SMARCC1: variants seen among roughly 807,000 people sequenced by gnomAD.
SMARCC1 encodes SWI/SNF complex subunit SMARCC1.
Under a neutral mutation model 147.4 loss-of-function variants are expected in SMARCC1, and 43 were observed. That is an observed-to-expected ratio of 0.29 (90% CI 0.23 to 0.38). The LOEUF (loss-of-function observed/expected upper bound fraction) is 0.38. Among genes scored for constraint, SMARCC1 ranks in the 10% least tolerant of loss-of-function variants. The pLI is 1.00. For synonymous variants in SMARCC1, 495 were observed against 484.4 expected, an observed-to-expected ratio of 1.02 and a Z score of -0.29; for missense variants, 1,119 against 1,381.1, an observed-to-expected ratio of 0.81 and a Z score of 3.01.
intron 25 of SMARCC1, among the ~76,000 whole-genome samples, chr3:47,618,277 C>A (rs936615593): frequency 1.3e-5 from 2 of 152,086 alleles, no homozygotes; most frequent in Non-Finnish European, 2.9e-5. Context: ...CACAGCAGCT[C>A]ATGCCTGTAA....
At chr3:47,595,559 T>C (rs1172926608) in intron 26 of SMARCC1, among the ~76,000 whole-genome samples, 9 of 150,880 alleles carry the variant, frequency 6.0e-5, no homozygotes, top group Non-Finnish European at 1.2e-4. Flanking sequence ...TAAAATAAAA[T>C]AAAATAAACA....
intron 21 of SMARCC1, among the ~76,000 whole-genome samples, chr3:47,653,510 A>C (rs12053999): frequency 1.1e-4 from 16 of 152,196 alleles, no homozygotes; most frequent in Non-Finnish European, 1.9e-4. Flanking sequence ...GTAAAATCCT[A>C]TATCACTCGG....
At chr3:47,762,998 G>A (rs993226668) in intron 2 of SMARCC1, among the ~76,000 whole-genome samples, 7 of 151,458 alleles carry the variant, frequency 4.6e-5, no homozygotes, top group African/African-American at 1.2e-4. Flanking sequence ...CCCAGGAGGC[G>A]GAGGTTGCAG....
intron 7 of SMARCC1, among the ~76,000 whole-genome samples, chr3:47,718,811 C>A (rs2034193626): frequency 1.3e-5 from 2 of 151,980 alleles, no homozygotes; most frequent in South Asian, 4.1e-4. Flanking sequence ...GAAATAAATA[C>A]TAAAACTGCT....
chr3:47,765,396 T>TGG (rs1292935896), intron 2 of SMARCC1, among the ~76,000 whole-genome samples: 1 of 152,168 alleles, frequency 6.6e-6, no homozygotes, highest in Non-Finnish European at 1.5e-5. Flanking sequence ...ATGGATGTTC[T>TGG]CTTTATAATT....
intron 3 of SMARCC1, among the ~76,000 whole-genome samples, chr3:47,742,590 T>C (rs2034520645): frequency 2.0e-5 from 3 of 151,034 alleles, no homozygotes; most frequent in African/African-American, 4.9e-5. Flanking sequence ...TTCTGTAATC[T>C]CTCTTTCTGT....
intron 2 of SMARCC1, among the ~76,000 whole-genome samples, chr3:47,755,452 G>A (rs1416545448): frequency 3.4e-5 from 5 of 147,544 alleles, no homozygotes; most frequent in African/African-American, 5.0e-5. Flanking sequence ...AGCTGAGATC[G>A]CGCCACTGCA....
chr3:47,688,285 C>T (rs1440029750), intron 13 of SMARCC1, among the ~76,000 whole-genome samples: 1 of 141,470 alleles, frequency 7.1e-6, no homozygotes, highest in Non-Finnish European at 1.5e-5. Flanking sequence ...AAAGAAGTGG[C>T]TCTTTGACTA....
intron 25 of SMARCC1, among the ~76,000 whole-genome samples, chr3:47,617,924 A>G (rs1291188262): frequency 6.6e-6 from 1 of 152,142 alleles, no homozygotes; most frequent in East Asian, 1.9e-4. Context: ...TATAGCTCCC[A>G]TTTTGTGTGC....
intron 24 of SMARCC1, among the ~76,000 whole-genome samples, chr3:47,629,421 G>A (rs1488178820): frequency 6.6e-6 from 1 of 152,144 alleles, no homozygotes; most frequent in Non-Finnish European, 1.5e-5. Context: ...AGACTGTGGA[G>A]GGTTAAGGTG....
intron 21 of SMARCC1, among the ~76,000 whole-genome samples, chr3:47,648,064 G>A (rs915511837): frequency 6.6e-6 from 1 of 151,952 alleles, no homozygotes; most frequent in African/African-American, 2.4e-5. Flanking sequence ...GCATGACCTC[G>A]GCTCAATGCA....
At chr3:47,617,670 T>C (rs1023406393) in intron 25 of SMARCC1, among the ~76,000 whole-genome samples, 3 of 152,210 alleles carry the variant, frequency 2.0e-5, no homozygotes, top group African/African-American at 7.2e-5. Flanking sequence ...ATGCTAGTGC[T>C]AGAGTGAGAA....
At chr3:47,633,763 A>AT (rs1247394522) in intron 24 of SMARCC1, among the ~76,000 whole-genome samples, 524 of 31,690 alleles carry the variant, frequency 0.017, 49 homozygotes, top group Middle Eastern at 0.054. Context: ...AAAAAAAAAA[A>AT]ATATATATAT....
At chr3:47,588,786 C>G (rs909998485) in intron 27 of SMARCC1, among the ~76,000 whole-genome samples, 1 of 142,464 alleles carries the variant, frequency 7.0e-6, no homozygotes, top group African/African-American at 2.6e-5. Flanking sequence ...AATGTCTCCA[C>G]CAGGGCCAGA....
intron 2 of SMARCC1, among the ~76,000 whole-genome samples, chr3:47,752,071 G>A (rs1038625994): frequency 1.3e-5 from 2 of 152,106 alleles, no homozygotes; most frequent in East Asian, 1.9e-4. Flanking sequence ...GTGACAGAGC[G>A]AGACTTCATC....
intron 25 of SMARCC1, among the ~76,000 whole-genome samples, chr3:47,614,727 T>TC (rs2032613165): frequency 6.6e-6 from 1 of 152,172 alleles, no homozygotes; most frequent in African/African-American, 2.4e-5. Flanking sequence ...GATTCTGACC[T>TC]TGCTGCCTTA....
intron 25 of SMARCC1, among the ~76,000 whole-genome samples, chr3:47,619,389 A>G (rs994739374): frequency 5.3e-5 from 8 of 152,234 alleles, no homozygotes; most frequent in Admixed American, 5.2e-4. Flanking sequence ...CAAAAAGTAT[A>G]TACTCTGGTA....
intron 5 of SMARCC1, among the ~76,000 whole-genome samples, chr3:47,735,159 A>G (rs2034426297): frequency 6.6e-6 from 1 of 151,946 alleles, no homozygotes; most frequent in Non-Finnish European, 1.5e-5. Flanking sequence ...CTTACCAACA[A>G]TTATGTTACC....
chr3:47,706,367 C>A (rs747112080), intron 10 of SMARCC1, 42 bp downstream of exon 10: 1 of 1,461,434 alleles, frequency 6.8e-7, no homozygotes, highest in East Asian at 2.7e-5. Flanking sequence ...CCACCACGTC[C>A]GGCCTGTTTT....
Sources: gnomAD v4.1 joint callset for allele counts (sites outside exome capture counted in the v4.1 genomes callset) on GRCh38, gnomAD v4.1.1 for gene constraint, MANE v1.5 for transcripts, NCBI Gene and HGNC (gene_info 2026-07-23, HGNC 2026-07-21) for gene names.